RETREG1: variants seen among roughly 807,000 people sequenced by gnomAD.
RETREG1 encodes reticulophagy regulator 1, also known as family with sequence similarity 134 member B.
Under a neutral mutation model 54.8 loss-of-function variants are expected in RETREG1, and 44 were observed. The ratio of observed to expected loss-of-function variants is 0.80; its 90% confidence interval spans 0.63 to 1.03. The LOEUF is 1.03. Among genes scored for constraint, RETREG1 ranks in the 50% least tolerant of loss-of-function variants. The probability of loss-of-function intolerance (pLI) is 0.00; values close to 1 mark genes in which losing one functional copy is unlikely to be tolerated. For synonymous variants in RETREG1, 217 were observed against 238.5 expected (o/e 0.91, Z 0.83); for missense variants, 554 against 605.1 (o/e 0.92, Z 0.89).
At chr5:16,484,305 T>C (rs78489199) in intron 3 of RETREG1, among the ~76,000 whole-genome samples, 18 of 152,252 alleles carry the variant, frequency 1.2e-4, no homozygotes, top group Non-Finnish European at 2.5e-4. Context: ...GACATAAAGC[T>C]TAATTCCTGC....
intron 3 of RETREG1, among the ~76,000 whole-genome samples, chr5:16,520,415 C>T (rs951447997): frequency 2.0e-5 from 3 of 152,062 alleles, no homozygotes; most frequent in Admixed American, 6.6e-5. Context: ...CTGCAACCTC[C>T]GTCTCCCGCG....
chr5:16,583,768 A>G (rs1007970632), intron 1 of RETREG1, among the ~76,000 whole-genome samples: 4 of 152,238 alleles, frequency 2.6e-5, no homozygotes, highest in Admixed American at 6.5e-5. Context: ...ATTTTGTACT[A>G]TGAAATGAAT....
Position 16,475,016 on chromosome 5 carries a change from GA to G in RETREG1, c.1218del (p.His407ThrfsTer2). 6.2e-7 allele frequency: 1 copy of G among 1,613,732 alleles called. No individual in the cohort carries two copies. ...TCCCCAGCCAGGTTGCTCATCAGGT[GA>G]AAGGTTTGGTCACTGTTCAGAGGAA... ...LTLPLNSDQT[F>X]HLMSNLAGDV... is the part of the protein sequence containing the mutation. On this transcript the variant is annotated frameshift_variant, in exon 9 of 9. Transcript: ENST00000306320. LOFTEE classifies it high-confidence loss of function.
chr5:16,480,722 G>C (rs149468912), intron 5 of RETREG1, among the ~76,000 whole-genome samples: 12 of 152,158 alleles, frequency 7.9e-5, no homozygotes, highest in Non-Finnish European at 1.5e-4. Flanking sequence ...AAAGGTGTTG[G>C]TGTGTTTTTG....
intron 3 of RETREG1, among the ~76,000 whole-genome samples, chr5:16,506,863 G>A (rs775292715): frequency 2.0e-5 from 3 of 152,150 alleles, no homozygotes; most frequent in Non-Finnish European, 4.4e-5. Context: ...GGTAGTAGGG[G>A]GAGGTGGCAC....
chr5:16,543,970 GTTTTT>G (rs750605921), intron 3 of RETREG1, among the ~76,000 whole-genome samples: 4 of 121,100 alleles, frequency 3.3e-5, no homozygotes, highest in Non-Finnish European at 6.9e-5. Flanking sequence ...TTATTGCCAA[GTTTTT>G]TTTTTTTTTT....
chr5:16,521,813 T>A (rs1442776619), intron 3 of RETREG1, among the ~76,000 whole-genome samples: 1 of 152,254 alleles, frequency 6.6e-6, no homozygotes, highest in Non-Finnish European at 1.5e-5. Flanking sequence ...AAATAGCAAC[T>A]GATAAGATGT....
At chr5:16,538,530 A>G (rs1330384273) in intron 3 of RETREG1, among the ~76,000 whole-genome samples, 3 of 152,066 alleles carry the variant, frequency 2.0e-5, no homozygotes, top group Non-Finnish European at 1.5e-5. Flanking sequence ...CTATTACTAC[A>G]CCCATTTTAA....
Position 16,474,112 on chromosome 5 carries a change from T to C in RETREG1, c.*629A>G, listed in dbSNP as rs1418537854. On this transcript the variant is annotated 3_prime_UTR_variant, in exon 9 of 9. Transcript: ENST00000306320. ...TCAATGGAGCATGCTTCTTTACAAA[T>C]AAGCCTAAGTCTACAACTGCAGAAA... 6.5e-6 allele frequency: 1 copy of C among 153,302 alleles called. No homozygotes were observed. Among genetic ancestry groups the C allele is most frequent in the Non-Finnish European group, 1.5e-5 (1 of 68,946 alleles). The allele number at this position is 153,302 out of a possible 1,614,324, so 9.5% of individuals were successfully genotyped here. A position where few individuals can be genotyped will look rare whatever the true frequency, so the allele number is the denominator to read the frequency against.
chr5:16,543,739 C>T (rs1664068101), intron 3 of RETREG1, among the ~76,000 whole-genome samples: 1 of 151,672 alleles, frequency 6.6e-6, no homozygotes, highest in Admixed American at 6.6e-5. Flanking sequence ...TATTCATTCT[C>T]ACCAGCAATA....
At chr5:16,548,551 C>T (rs919594558) in intron 3 of RETREG1, among the ~76,000 whole-genome samples, 1 of 151,986 alleles carries the variant, frequency 6.6e-6, no homozygotes, top group South Asian at 2.1e-4. Context: ...TTTACTGTAA[C>T]CTAGCCATAC....
At chr5:16,515,912 G>A (rs1054636363) in intron 3 of RETREG1, among the ~76,000 whole-genome samples, 8 of 152,060 alleles carry the variant, frequency 5.3e-5, no homozygotes, top group Admixed American at 3.3e-4. Context: ...CAGAGTAGGG[G>A]CTTTAACAAA....
chr5:16,570,259 C>G (rs1447866951), intron 2 of RETREG1, among the ~76,000 whole-genome samples: 1 of 152,150 alleles, frequency 6.6e-6, no homozygotes, highest in African/African-American at 2.4e-5. Context: ...GGACTGAATT[C>G]TTGCAATGTA....
At chr5:16,615,844 T>C (rs1743489935) in intron 1 of RETREG1, 1 of 152,220 alleles carries the variant, frequency 6.6e-6, no homozygotes, top group South Asian at 2.1e-4. Flanking sequence ...ACTGTGTAGG[T>C]CATGTTTGTT....
chr5:16,603,183 G>A (rs1743092371), intron 1 of RETREG1, among the ~76,000 whole-genome samples: 1 of 152,204 alleles, frequency 6.6e-6, no homozygotes, highest in Non-Finnish European at 1.5e-5. Context: ...TGATATTAAA[G>A]ATGTATGTGT....
chr5:16,478,895 A>G lies in RETREG1; in HGVS notation c.763T>C (p.Phe255Leu). 1 of 1,612,480 alleles carries G rather than the reference A, an allele frequency of 6.2e-7. No individual in the cohort carries two copies. The highest frequency in any genetic ancestry group is 8.5e-7 in the Non-Finnish European group (1 of 1,178,998). ...TGATTAATATATTCTCCAATTCCAA[A>G]ATCCAGTTTCAGCAGAACTGACTTA... The part of the protein sequence containing the change: ...KIKSVLLKLD[F>L]GIGEYINQKK... The change falls in exon 6 of 9, where the codon TTT becomes CTT. Residue 255 changes from phenylalanine (F) to leucine (L), a missense_variant. By Grantham distance (22) the Phe-to-Leu change is conservative (BLOSUM62 0). Around this residue, in one of 4 missense-constraint regions of RETREG1, gnomAD observed 347 missense variants for 412.3 expected, o/e 0.84. Coordinates refer to ENST00000306320, the MANE Select transcript of RETREG1 (RefSeq NM_001034850.3).
intron 3 of RETREG1, among the ~76,000 whole-genome samples, chr5:16,541,739 G>GGGAGGGAGGGAA (rs1379256353): frequency 9.8e-6 from 1 of 102,188 alleles, no homozygotes; most frequent in Admixed American, 1.1e-4. Flanking sequence ...GAGGGAGGGA[G>GGGAGGGAGGGAA]GGAAGGAAGG....
chr5:16,519,291 TTAA>T (rs1386518182), intron 3 of RETREG1, among the ~76,000 whole-genome samples: 2 of 152,100 alleles, frequency 1.3e-5, no homozygotes, highest in Non-Finnish European at 2.9e-5. Flanking sequence ...ATAGCAAATC[TTAA>T]TAAGTAAAAG....
intron 1 of RETREG1, 184 bp downstream of exon 1, chr5:16,616,468 C>T: frequency 9.3e-7 from 1 of 1,077,418 alleles, no homozygotes; most frequent in Non-Finnish European, 1.3e-6. Flanking sequence ...CAGGGACGTG[C>T]GTCCGGAGGA....
Sources: allele counts gnomAD v4.1 joint callset (sites outside exome capture counted in the v4.1 genomes callset), GRCh38; gene constraint gnomAD v4.1.1; regional missense constraint gnomAD v4.1.1; transcripts MANE v1.5; gene names NCBI Gene and HGNC (gene_info 2026-07-23, HGNC 2026-07-21).